The following MPHOSPH8 variants were observed in gnomAD, a reference collection of about 807,000 sequenced individuals.
MPHOSPH8 encodes M-phase phosphoprotein 8.
A neutral mutation model predicts 87.3 loss-of-function variants in MPHOSPH8; 45 were observed. That is an observed-to-expected ratio of 0.52 (90% CI 0.41 to 0.66). MPHOSPH8 has a LOEUF of 0.66. MPHOSPH8 is among the 30% of genes least tolerant of loss of function. The probability of loss-of-function intolerance (pLI) is 0.00; values close to 1 mark genes in which losing one functional copy is unlikely to be tolerated. For synonymous variants in MPHOSPH8, 366 were observed against 376.9 expected (o/e 0.97, Z 0.33); for missense variants, 883 against 1,020.2 (o/e 0.87, Z 1.83).
chr13:19,645,393 T>G (rs750594534), intron 2 of MPHOSPH8, among the ~76,000 whole-genome samples: 4 of 152,146 alleles, frequency 2.6e-5, no homozygotes, highest in Non-Finnish European at 4.4e-5. Context: ...TCAGGGAGAT[T>G]GGAAAGGTTA....
At chr13:19,664,760 G>T (rs900038595) in intron 9 of MPHOSPH8, among the ~76,000 whole-genome samples, 1 of 152,050 alleles carries the variant, frequency 6.6e-6, no homozygotes, top group Non-Finnish European at 1.5e-5. Context: ...GGAGTTGGGC[G>T]TTGGGTCGTG....
chr13:19,669,568 G>T (rs1876005268), intron 11 of MPHOSPH8, among the ~76,000 whole-genome samples: 1 of 150,844 alleles, frequency 6.6e-6, no homozygotes, highest in African/African-American at 2.4e-5. Flanking sequence ...GAGTGCAGTG[G>T]TGCGATCTCG....
chr13:19,652,953 C>G (rs1467403124), intron 5 of MPHOSPH8, among the ~76,000 whole-genome samples: 4 of 152,168 alleles, frequency 2.6e-5, no homozygotes, highest in Non-Finnish European at 5.9e-5. Flanking sequence ...GATAAAACCC[C>G]CATCTCCCTG....
chr13:19,665,514 C>T (rs1413895368), intron 9 of MPHOSPH8, among the ~76,000 whole-genome samples: 1 of 152,122 alleles, frequency 6.6e-6, no homozygotes, highest in Non-Finnish European at 1.5e-5. Flanking sequence ...TCCTGGACGG[C>T]GTCCCTAACC....
intron 9 of MPHOSPH8, among the ~76,000 whole-genome samples, chr13:19,665,991 A>C (rs1236735677): frequency 2.0e-5 from 3 of 152,080 alleles, no homozygotes; most frequent in Non-Finnish European, 4.4e-5. Flanking sequence ...CCTGAGACAA[A>C]GTTGTCTACA....
At chr13:19,650,414 A>G in intron 5 of MPHOSPH8, 154 bp downstream of exon 5, 1 of 864,970 alleles carries the variant, frequency 1.2e-6, no homozygotes, top group Non-Finnish European at 1.7e-6. Context: ...TATATTGAAG[A>G]CGGGTCATTC....
chr13:19,640,842 T>C (rs1431332310), intron 1 of MPHOSPH8, among the ~76,000 whole-genome samples: 4 of 152,184 alleles, frequency 2.6e-5, no homozygotes, highest in Non-Finnish European at 5.9e-5. Context: ...ATTTGTATGA[T>C]GGAATAATCT....
intron 2 of MPHOSPH8, 65 bp downstream of exon 2, chr13:19,642,335 A>C: frequency 7.8e-7 from 1 of 1,276,196 alleles, no homozygotes; most frequent in Non-Finnish European, 1.1e-6. Flanking sequence ...TAACTCTCAA[A>C]GTATGTGTAG....
Position 19,657,964 on chromosome 13 carries a change from T to C in MPHOSPH8, c.1577-1031T>C, listed in dbSNP as rs190404240. On this transcript the variant is annotated intron_variant, in intron 5 of 13. Transcript: ENST00000361479. ...CTCCCAGCCTCTCTCATCTGTAACA[T>C]GTCTCCCCTTACAGGTTATTGTGTA... is the stretch of plus-strand genomic sequence containing the variant. Among the ~76,000 whole-genome samples the C allele has an allele frequency of 2.6e-5, 4 of 152,300 alleles. No individual in the cohort carries two copies. In the East Asian group the frequency reaches 7.7e-4, roughly 29 times the overall value.
chr13:19,669,849 C>T (rs1453909005), intron 11 of MPHOSPH8, among the ~76,000 whole-genome samples: 1 of 151,996 alleles, frequency 6.6e-6, no homozygotes, highest in African/African-American at 2.4e-5. Context: ...TTGGAAGGGG[C>T]AAAAGGGTAT....
intron 1 of MPHOSPH8, among the ~76,000 whole-genome samples, chr13:19,637,890 A>G (rs1054369509): frequency 1.3e-5 from 2 of 151,842 alleles, no homozygotes; most frequent in Non-Finnish European, 2.9e-5. Context: ...TCACGAAGTC[A>G]AGAGATTGAG....
intron 9 of MPHOSPH8, among the ~76,000 whole-genome samples, chr13:19,665,993 T>G (rs183128094): frequency 6.6e-6 from 1 of 152,122 alleles, no homozygotes; most frequent in Non-Finnish European, 1.5e-5. Context: ...TGAGACAAAG[T>G]TGTCTACAGT....
intron 11 of MPHOSPH8, among the ~76,000 whole-genome samples, chr13:19,668,939 T>C (rs1006013038): frequency 6.6e-6 from 1 of 152,186 alleles, no homozygotes; most frequent in Non-Finnish European, 1.5e-5. Flanking sequence ...CTCTAGCCTC[T>C]GCTCGACAGA....
chr13:19,656,755 T>C (rs1875202286), intron 5 of MPHOSPH8, among the ~76,000 whole-genome samples: 1 of 149,982 alleles, frequency 6.7e-6, no homozygotes, highest in Non-Finnish European at 1.5e-5. Flanking sequence ...AGTGAGACTT[T>C]CTTTCAAAAA....
At chr13:19,648,307 C>T in intron 3 of MPHOSPH8, 115 bp from the exon 4 acceptor site, 1 of 540,812 alleles carries the variant, frequency 1.8e-6, no homozygotes. Context: ...TATCATGTAC[C>T]ACAGTATACA....
rs1002816947 is a variant in MPHOSPH8 at position 19,665,463 on chromosome 13, C to G, written c.2020-962C>G. Among the ~76,000 whole-genome samples the G allele has an allele frequency of 5.3e-5, 8 of 152,338 alleles. 1 individual carries two copies. Among genetic ancestry groups the G allele is most frequent in the African/African-American group, 1.9e-4 (8 of 41,590 alleles). On this transcript the variant is annotated intron_variant, in intron 9 of 13. Transcript: ENST00000361479. The stretch of plus-strand genomic sequence containing the variant: ...GTCCCAGAAGGGCCTCTCACCCTCC[C>G]CGTGGCTGTAATGTGGGCCACTCGC...
intron 12 of MPHOSPH8, 116 bp downstream of exon 12, chr13:19,670,479 G>T: frequency 1.6e-6 from 2 of 1,216,154 alleles, no homozygotes; most frequent in Non-Finnish European, 2.3e-6. Context: ...AAACGATCCA[G>T]TAATAGTGGT....
chr13:19,671,063 G>A (rs1876099134), intron 12 of MPHOSPH8, 143 bp from the exon 13 acceptor site: 3 of 1,445,938 alleles, frequency 2.1e-6, no homozygotes, highest in African/African-American at 2.9e-5. Flanking sequence ...TCAAGCGATT[G>A]TCCGCCTTGG....
intron 4 of MPHOSPH8, among the ~76,000 whole-genome samples, chr13:19,649,014 T>G (rs1450243785): frequency 6.6e-6 from 1 of 152,238 alleles, no homozygotes; most frequent in African/African-American, 2.4e-5. Flanking sequence ...AAGAGATGGA[T>G]GCTTTTCCTT....
Sources: gnomAD v4.1 joint callset for allele counts (sites outside exome capture counted in the v4.1 genomes callset) on GRCh38, gnomAD v4.1.1 for gene constraint, MANE v1.5 for transcripts, NCBI Gene and HGNC (gene_info 2026-07-23, HGNC 2026-07-21) for gene names.